PCP4: variants seen among roughly 807,000 people sequenced by gnomAD.
PCP4 encodes the protein calmodulin regulator protein PCP4.
PCP4 carries 8 observed loss-of-function variants against 10.0 expected under a neutral mutation model. The observed-to-expected ratio is 0.80, with a 90% confidence interval of 0.47 to 1.45. PCP4 has a LOEUF of 1.45. Among genes scored for constraint, PCP4 ranks in the 40% most tolerant of loss-of-function variants. The pLI is 0.00. For synonymous variants in PCP4, 21 were observed against 23.0 expected (o/e 0.91, Z 0.24); for missense variants, 54 against 74.4 (o/e 0.73, Z 1.01).
At chr21:39,890,467 T>G (rs1170067612) in intron 1 of PCP4, among the ~76,000 whole-genome samples, 2 of 152,042 alleles carry the variant, frequency 1.3e-5, no homozygotes, top group Admixed American at 6.6e-5. Flanking sequence ...GCGATTCTCC[T>G]GCCCCAGCCT....
chr21:39,924,238 C>A (rs1329122257), intron 2 of PCP4, among the ~76,000 whole-genome samples: 1 of 152,184 alleles, frequency 6.6e-6, no homozygotes, highest in Non-Finnish European at 1.5e-5. Context: ...ACAGTGTGGC[C>A]TGTGCTTTAA....
At chr21:39,871,903 A>C (rs1382511548) in intron 1 of PCP4, among the ~76,000 whole-genome samples, 5 of 152,172 alleles carry the variant, frequency 3.3e-5, no homozygotes, top group Admixed American at 2.6e-4. Context: ...GATTTTATTA[A>C]AGGTTTAGTG....
intron 2 of PCP4, among the ~76,000 whole-genome samples, chr21:39,905,287 T>C (rs904925411): frequency 6.6e-6 from 1 of 152,048 alleles, no homozygotes; most frequent in Non-Finnish European, 1.5e-5. Context: ...TGACTGATGC[T>C]CAAGAGATGG....
At chr21:39,924,920 T>C (rs2087613414) in intron 2 of PCP4, among the ~76,000 whole-genome samples, 1 of 152,174 alleles carries the variant, frequency 6.6e-6, no homozygotes, top group South Asian at 2.1e-4. Flanking sequence ...CTGGAGCTTC[T>C]CTTGTTCTGC....
At chr21:39,874,106 A>G (rs2087333186) in intron 1 of PCP4, among the ~76,000 whole-genome samples, 1 of 152,198 alleles carries the variant, frequency 6.6e-6, no homozygotes, top group African/African-American at 2.4e-5. Context: ...ATCATCCACA[A>G]ATTGAACATT....
intron 1 of PCP4, among the ~76,000 whole-genome samples, chr21:39,884,766 C>G (rs1330463361): frequency 1.3e-5 from 2 of 151,608 alleles, no homozygotes; most frequent in Non-Finnish European, 2.9e-5. Context: ...CCACTGCACT[C>G]CAGGCTGGGT....
At chr21:39,913,343 T>C (rs2087550305) in intron 2 of PCP4, among the ~76,000 whole-genome samples, 1 of 152,186 alleles carries the variant, frequency 6.6e-6, no homozygotes, top group South Asian at 2.1e-4. Context: ...AAGCAGAGAT[T>C]GTGAAGTTTA....
chr21:39,888,150 C>A (rs139784638), intron 1 of PCP4, among the ~76,000 whole-genome samples: 3 of 152,142 alleles, frequency 2.0e-5, no homozygotes, highest in Non-Finnish European at 4.4e-5. Context: ...AAATAACTTA[C>A]GAGAAGACAC....
At chr21:39,872,776 G>A (rs1322463305) in intron 1 of PCP4, among the ~76,000 whole-genome samples, 1 of 152,132 alleles carries the variant, frequency 6.6e-6, no homozygotes, top group Non-Finnish European at 1.5e-5. Context: ...TAATCAATAG[G>A]CCAGGCACCC....
chr21:39,904,360 A>G (rs1199044257), intron 2 of PCP4, among the ~76,000 whole-genome samples: 2 of 152,038 alleles, frequency 1.3e-5, no homozygotes, highest in Non-Finnish European at 2.9e-5. Context: ...TTTGCTTAGG[A>G]TATATTTTAT....
intron 1 of PCP4, among the ~76,000 whole-genome samples, chr21:39,875,971 T>A (rs1161101841): frequency 6.6e-6 from 1 of 152,034 alleles, no homozygotes; most frequent in East Asian, 1.9e-4. Context: ...CATGAAGACA[T>A]CCTAAGAAAA....
At chr21:39,898,045 C>CAAAAA (rs780273912) in intron 1 of PCP4, among the ~76,000 whole-genome samples, 50 of 73,872 alleles carry the variant, frequency 6.8e-4, no homozygotes, top group African/African-American at 9.8e-4. Flanking sequence ...GACTCAGTCT[C>CAAAAA]AAAAAAAAAA....
intron 2 of PCP4, among the ~76,000 whole-genome samples, chr21:39,918,380 G>A (rs1049549028): frequency 4.6e-5 from 7 of 152,122 alleles, no homozygotes; most frequent in Admixed American, 4.6e-4. Context: ...CCGAGAAACA[G>A]AATAATAGGA....
Position 39,929,124 on chromosome 21 carries a change from CT to C in PCP4, c.*14del. 1.2e-6 allele frequency: 2 copies of C among 1,603,822 alleles called. No individual in the cohort carries two copies. The highest frequency in any genetic ancestry group is 4.5e-5 in the East Asian group (2 of 44,638). ...GTCTCAGTCCTAGTGGGAGAACCCC[CT>C]CCTAGTCCACCTGAAAACACCAAAT... On this transcript the variant is annotated 3_prime_UTR_variant, in exon 3 of 3. Transcript: ENST00000328619.
rs559493563 is a variant in PCP4 at position 39,906,093 on chromosome 21, C to T, written c.61+7566C>T. The stretch of plus-strand genomic sequence containing the variant: ...GTCTTCCCTTTGATGTTACCATGGC[C>T]TTGCAGGTGGGTTGGGAGAGGATCT... On this transcript the variant is annotated intron_variant, in intron 2 of 2. Coordinates refer to ENST00000328619, the MANE Select transcript of PCP4 (RefSeq NM_006198.3). This position sits in a 1 kb window ranked among gnomAD's most constrained non-coding sequence, Gnocchi z 6.3. Among the ~76,000 whole-genome samples, 1 of 152,180 alleles carries T rather than the reference C, an allele frequency of 6.6e-6. No homozygotes were observed. The highest frequency in any genetic ancestry group is 6.5e-5 in the Admixed American group (1 of 15,280).
intron 1 of PCP4, among the ~76,000 whole-genome samples, chr21:39,878,423 A>T (rs1279198751): frequency 1.3e-5 from 2 of 152,214 alleles, no homozygotes; most frequent in Admixed American, 1.3e-4. Flanking sequence ...GTATAGATAC[A>T]TGTCCATTAT....
intron 1 of PCP4, among the ~76,000 whole-genome samples, chr21:39,897,772 C>A (rs532701521): frequency 6.6e-6 from 1 of 151,968 alleles, no homozygotes; most frequent in Admixed American, 6.5e-5. Context: ...TTGGGCCGGG[C>A]GCGGTGGCTC....
chr21:39,920,566 C>A (rs2087592558), intron 2 of PCP4, among the ~76,000 whole-genome samples: 1 of 152,092 alleles, frequency 6.6e-6, no homozygotes, highest in South Asian at 2.1e-4. Flanking sequence ...ATGACGTGAG[C>A]AATGACCTTT....
At chr21:39,907,114 C>G (rs535395363) in intron 2 of PCP4, among the ~76,000 whole-genome samples, 5 of 152,078 alleles carry the variant, frequency 3.3e-5, no homozygotes, top group South Asian at 4.1e-4. Context: ...TACAAAAGCA[C>G]GGAAAAATGC....
Sources: allele counts gnomAD v4.1 joint callset (sites outside exome capture counted in the v4.1 genomes callset), GRCh38; gene constraint gnomAD v4.1.1; non-coding constraint Gnocchi (gnomAD v3.1); transcripts MANE v1.5; gene names NCBI Gene and HGNC (gene_info 2026-07-23, HGNC 2026-07-21).